EPHA7: variants seen among roughly 807,000 people sequenced by gnomAD.
EPHA7 encodes the protein ephrin type-A receptor 7.
EPHA7 carries 25 observed loss-of-function variants against 112.6 expected under a neutral mutation model. The observed-to-expected ratio is 0.22, with a 90% CI of 0.16 to 0.31. The LOEUF is 0.31. Among genes scored for constraint, EPHA7 ranks in the 10% least tolerant of loss-of-function variants. The probability of loss-of-function intolerance (pLI) is 1.00; values close to 1 mark genes in which losing one functional copy is unlikely to be tolerated. For synonymous variants in EPHA7, 437 were observed against 406.5 expected, an observed-to-expected ratio of 1.07 and a Z score of -0.90; for missense variants, 962 against 1,212.6, an observed-to-expected ratio of 0.79 and a Z score of 3.07.
intron 5 of EPHA7, among the ~76,000 whole-genome samples, chr6:93,273,824 T>C (rs1410829341): frequency 6.6e-6 from 1 of 152,022 alleles, no homozygotes; most frequent in Non-Finnish European, 1.5e-5. Flanking sequence ...GACACATCTC[T>C]GTACCCAGAA....
intron 7 of EPHA7, among the ~76,000 whole-genome samples, chr6:93,267,462 T>C (rs530106296): frequency 3.8e-4 from 57 of 151,824 alleles, no homozygotes; most frequent in Non-Finnish European, 6.9e-4. Flanking sequence ...TTGATATTAA[T>C]AATTCACTCT....
At chr6:93,349,755 A>T (rs1377632706) in intron 5 of EPHA7, among the ~76,000 whole-genome samples, 1 of 151,938 alleles carries the variant, frequency 6.6e-6, no homozygotes, top group Non-Finnish European at 1.5e-5. Flanking sequence ...ATAAAAATAT[A>T]CAAATTTAAA....
chr6:93,362,143 G>A (rs931483079), intron 3 of EPHA7, among the ~76,000 whole-genome samples: 34 of 152,058 alleles, frequency 2.2e-4, no homozygotes, highest in Non-Finnish European at 1.6e-4. Flanking sequence ...TTATCCTAGA[G>A]TTAAAACCTG....
intron 5 of EPHA7, among the ~76,000 whole-genome samples, chr6:93,337,012 G>T (rs754400152): frequency 5.9e-5 from 9 of 152,114 alleles, no homozygotes. Flanking sequence ...AAGTATCAAT[G>T]ACTAATTAAA....
chr6:93,370,789 C>T (rs1776750021), intron 3 of EPHA7, among the ~76,000 whole-genome samples: 1 of 152,000 alleles, frequency 6.6e-6, no homozygotes, highest in Admixed American at 6.6e-5. Context: ...TACTACTTTA[C>T]ATTTTTCAAG....
At chr6:93,325,093 A>G (rs1774252641) in intron 5 of EPHA7, among the ~76,000 whole-genome samples, 1 of 151,324 alleles carries the variant, frequency 6.6e-6, no homozygotes, top group Non-Finnish European at 1.5e-5. Flanking sequence ...ACAGACAGAG[A>G]CTGAGTGAAG....
rs374243749 is a variant in EPHA7, at chr6:93,358,420, G to A, written c.833-9C>T. On this transcript the variant is annotated splice_polypyrimidine_tract_variant and intron_variant, in intron 3 of 16. Transcript: ENST00000369303. The stretch of plus-strand genomic sequence containing the variant: ...GAACCCACGGCCACAGGCTGGGAAT[G>A]CAAAAGAAAGCAAAAATTGAGACAT... The A allele has an allele frequency of 2.6e-5, 41 of 1,584,236 alleles. No individual in the cohort carries two copies. In the East Asian group the frequency reaches 6.1e-4, roughly 24 times the overall value.
At chr6:93,378,220 A>T in intron 3 of EPHA7, among the ~76,000 whole-genome samples, 1 of 152,072 alleles carries the variant, frequency 6.6e-6, no homozygotes, top group East Asian at 1.9e-4. Context: ...TGCCAAATAC[A>T]AGTGGAAGAG....
chr6:93,243,215 T>G lies in EPHA7; in HGVS notation c.*211A>C. On this transcript the variant is annotated 3_prime_UTR_variant, in exon 17 of 17. Coordinates refer to ENST00000369303, the MANE Select transcript of EPHA7 (RefSeq NM_004440.4). ...ACTTTGTTTATTGTCACTGCTATTT[T>G]CCTGGCCACCGATGGTGGATCCTAA... is the stretch of plus-strand genomic sequence containing the variant. 1 of 415,146 alleles carries G rather than the reference T, an allele frequency of 2.4e-6. No homozygotes were observed. The highest frequency in any genetic ancestry group is 4.3e-6 in the Non-Finnish European group (1 of 233,386). The allele number at this position is 415,146 out of a possible 1,614,324, so 25.7% of individuals were successfully genotyped here.
intron 3 of EPHA7, among the ~76,000 whole-genome samples, chr6:93,396,429 C>T (rs1478001044): frequency 6.6e-6 from 1 of 151,796 alleles, no homozygotes; most frequent in Non-Finnish European, 1.5e-5. Context: ...CCTACCCTGA[C>T]TAAAAGCATA....
At chr6:93,300,515 T>C (rs1385383476) in intron 5 of EPHA7, among the ~76,000 whole-genome samples, 2 of 152,192 alleles carry the variant, frequency 1.3e-5, no homozygotes, top group East Asian at 3.8e-4. Context: ...TTTCTGGACA[T>C]GTATAATTTT....
At chr6:93,254,307 C>T (rs1215040927) in intron 14 of EPHA7, among the ~76,000 whole-genome samples, 1 of 152,086 alleles carries the variant, frequency 6.6e-6, no homozygotes, top group Non-Finnish European at 1.5e-5. Flanking sequence ...TCCTTCCCTC[C>T]TCTTCACAAA....
chr6:93,329,195 T>C (rs1042469503), intron 5 of EPHA7, among the ~76,000 whole-genome samples: 19 of 151,418 alleles, frequency 1.3e-4, no homozygotes, highest in Admixed American at 2.7e-4. Flanking sequence ...AGATCTGCAT[T>C]GTAATAATAT....
At chr6:93,313,924 GAAT>G (rs1367314205) in intron 5 of EPHA7, among the ~76,000 whole-genome samples, 2 of 152,042 alleles carry the variant, frequency 1.3e-5, no homozygotes, top group African/African-American at 2.4e-5. Context: ...AATTCATTAG[GAAT>G]AATGAGTTTA....
At chr6:93,256,487 G>T (rs345733) in intron 12 of EPHA7, among the ~76,000 whole-genome samples, 107,925 of 151,842 alleles carry the variant, frequency 0.71, 38,454 homozygotes, top group South Asian at 0.83. Flanking sequence ...AATATTTGAG[G>T]CAAAATGAAG....
intron 14 of EPHA7, among the ~76,000 whole-genome samples, chr6:93,249,503 C>T (rs1770112072): frequency 6.6e-6 from 1 of 152,086 alleles, no homozygotes; most frequent in East Asian, 1.9e-4. Flanking sequence ...AAAATGACCA[C>T]ACAATAAGCA....
chr6:93,367,226 G>A (rs920695865), intron 3 of EPHA7, among the ~76,000 whole-genome samples: 1 of 152,130 alleles, frequency 6.6e-6, no homozygotes, highest in Admixed American at 6.5e-5. Context: ...AATTAGGAGA[G>A]TTCTTACCCC....
At chr6:93,328,614 G>A (rs975731426) in intron 5 of EPHA7, among the ~76,000 whole-genome samples, 2 of 151,282 alleles carry the variant, frequency 1.3e-5, no homozygotes, top group African/African-American at 4.8e-5. Context: ...TTTCTTACCT[G>A]ACTTTATTAT....
intron 5 of EPHA7, among the ~76,000 whole-genome samples, chr6:93,326,406 C>T (rs182476662): frequency 1.3e-5 from 2 of 151,460 alleles, no homozygotes; most frequent in Admixed American, 6.6e-5. Context: ...ATAAAATATA[C>T]GAAGATAGTT....
Sources: gnomAD v4.1 joint callset for allele counts (sites outside exome capture counted in the v4.1 genomes callset) on GRCh38, gnomAD v4.1.1 for gene constraint, MANE v1.5 for transcripts, NCBI Gene and HGNC (gene_info 2026-07-23, HGNC 2026-07-21) for gene names.